Variants in GSE1 observed in about 807,000 individuals in gnomAD.
GSE1 encodes the protein Gse1 coiled-coil protein.
In GSE1, 32 loss-of-function variants were observed where a neutral mutation model predicts 112.6. That is an observed-to-expected ratio of 0.28 (90% CI 0.21 to 0.38). GSE1 has a LOEUF of 0.38. GSE1 is among the 10% of genes least tolerant of loss of function. The probability of loss-of-function intolerance (pLI) is 1.00; values close to 1 mark genes in which losing one functional copy is unlikely to be tolerated. For missense variants in GSE1, 2,348 were observed against 1,699.2 expected, an observed-to-expected ratio of 1.38 and a Z score of -6.71; for synonymous variants, 1,115 against 735.6, an observed-to-expected ratio of 1.52 and a Z score of -8.35.
intron 1 of GSE1, among the ~76,000 whole-genome samples, chr16:85,313,956 C>G (rs916094949): frequency 7.2e-6 from 1 of 139,696 alleles, no homozygotes; most frequent in Non-Finnish European, 1.5e-5. Flanking sequence ...GTGACATAGC[C>G]TAGTGTGTGT....
intron 11 of GSE1, among the ~76,000 whole-genome samples, chr16:85,664,141 A>G (rs905571664): frequency 6.6e-6 from 1 of 152,244 alleles, no homozygotes; most frequent in African/African-American, 2.4e-5. Context: ...CTGGGCTCGA[A>G]TCCATATAGC....
intron 2 of GSE1, among the ~76,000 whole-genome samples, chr16:85,387,275 C>T (rs1156304703): frequency 1.3e-5 from 2 of 152,082 alleles, no homozygotes; most frequent in African/African-American, 2.4e-5. Context: ...CTCCCCAGAA[C>T]CCCCCACTTT....
chr16:85,460,818 C>T (rs1217900321), intron 2 of GSE1, among the ~76,000 whole-genome samples: 1 of 146,790 alleles, frequency 6.8e-6, no homozygotes, highest in Non-Finnish European at 1.5e-5. Flanking sequence ...GCTGAGGAAG[C>T]CAGGGTGGGG....
chr16:85,630,165 C>G (rs558432824), intron 1 of GSE1, among the ~76,000 whole-genome samples: 1 of 152,290 alleles, frequency 6.6e-6, no homozygotes, highest in African/African-American at 2.4e-5. Flanking sequence ...GATACGGCAG[C>G]TGACCCCCCT....
chr16:85,320,724 A>G (rs1053417297), intron 1 of GSE1, among the ~76,000 whole-genome samples: 1 of 152,144 alleles, frequency 6.6e-6, no homozygotes, highest in Non-Finnish European at 1.5e-5. Context: ...CTCGGGGAAC[A>G]CTGTTCCAGC....
chr16:85,501,005 T>G (rs936946362), intron 2 of GSE1, among the ~76,000 whole-genome samples: 2 of 131,196 alleles, frequency 1.5e-5, no homozygotes, highest in African/African-American at 3.1e-5. Flanking sequence ...TCTGTTTTTT[T>G]TTTTTTTTTT....
chr16:85,424,239 G>A (rs920246155), intron 2 of GSE1, among the ~76,000 whole-genome samples: 1 of 152,268 alleles, frequency 6.6e-6, no homozygotes, highest in African/African-American at 2.4e-5. Flanking sequence ...ATGGAACAGG[G>A]CACAAAGCCC....
chr16:85,565,686 G>A (rs2045717672), intron 1 of GSE1, among the ~76,000 whole-genome samples: 1 of 152,224 alleles, frequency 6.6e-6, no homozygotes, highest in South Asian at 2.1e-4. Context: ...CCACTGGAGT[G>A]AGAGAACAGG....
intron 2 of GSE1, among the ~76,000 whole-genome samples, chr16:85,398,580 AAAT>A (rs552077940): frequency 1.0e-3 from 157 of 152,302 alleles, no homozygotes; most frequent in Non-Finnish European, 1.5e-3. Context: ...ACACATGGCC[AAAT>A]AATGATGATG....
chr16:85,308,700 C>T lies in GSE1; in HGVS notation c.2284-48763C>T, dbSNP rs116896067. Among the ~76,000 whole-genome samples, 10 of 152,062 alleles carry T rather than the reference C, an allele frequency of 6.6e-5. No homozygotes were observed. In the East Asian group the frequency reaches 1.7e-3, roughly 26 times the overall value. Reference sequence around the variant, plus strand: ...TAAAACACATTGCCTGGGGAAGGCTCTCGCTCTGTCAGTGGTTCTTGAATT... The same window carrying T: ...TAAAACACATTGCCTGGGGAAGGCTTTCGCTCTGTCAGTGGTTCTTGAATT... On this transcript the variant is annotated intron_variant, in intron 1 of 2. Transcript: ENST00000637419.
At chr16:85,540,008 A>G (rs2044466633) in intron 2 of GSE1, among the ~76,000 whole-genome samples, 1 of 152,124 alleles carries the variant, frequency 6.6e-6, no homozygotes, top group Admixed American at 6.6e-5. Context: ...TTTATTTTAT[A>G]TCGAAGTCAG....
chr16:85,174,495 C>G (rs1209854126), intron 1 of GSE1, among the ~76,000 whole-genome samples: 1 of 152,212 alleles, frequency 6.6e-6, no homozygotes, highest in Non-Finnish European at 1.5e-5. Context: ...GGGAGAATGC[C>G]GGAAATGCAG....
chr16:85,555,214 A>C (rs1443277783), upstream of GSE1: 6 of 985,172 alleles, frequency 6.1e-6, no homozygotes, highest in Non-Finnish European at 7.2e-6. Context: ...TTTACCGATA[A>C]TGATTCTTGC....
At chr16:85,626,009 C>G (rs2049044701) in intron 1 of GSE1, among the ~76,000 whole-genome samples, 1 of 152,276 alleles carries the variant, frequency 6.6e-6, no homozygotes, top group Admixed American at 6.5e-5. Flanking sequence ...GGTCAGGATC[C>G]TGGCCACCTG....
chr16:85,171,852 C>A (rs1597709325), intron 1 of GSE1: 1 of 924,760 alleles, frequency 1.1e-6, no homozygotes, highest in Non-Finnish European at 1.3e-6. Flanking sequence ...CCTCCAAAAT[C>A]CATTCAGGGA....
intron 2 of GSE1, among the ~76,000 whole-genome samples, chr16:85,450,421 T>G (rs2049643820): frequency 6.7e-6 from 1 of 149,786 alleles, no homozygotes; most frequent in Non-Finnish European, 1.5e-5. Context: ...CCCAGCCACC[T>G]TACTGTTTTT....
At chr16:85,376,103 A>T (rs980915397) in intron 2 of GSE1, among the ~76,000 whole-genome samples, 1 of 151,348 alleles carries the variant, frequency 6.6e-6, no homozygotes, top group Non-Finnish European at 1.5e-5. Context: ...CACGGTCCTC[A>T]CCCCCGCCAA....
chr16:85,230,995 AGATG>A (rs1164462015), intron 1 of GSE1, among the ~76,000 whole-genome samples: 2 of 151,358 alleles, frequency 1.3e-5, no homozygotes, highest in East Asian at 2.0e-4. Flanking sequence ...ATAGAAGGAC[AGATG>A]GATGGATGGA....
chr16:85,623,462 G>A (rs1012028193), intron 1 of GSE1, among the ~76,000 whole-genome samples: 1 of 152,166 alleles, frequency 6.6e-6, no homozygotes, highest in Non-Finnish European at 1.5e-5. Flanking sequence ...CTGGAAGTCC[G>A]CACTGAGCTG....
Sources: allele counts gnomAD v4.1 joint callset (sites outside exome capture counted in the v4.1 genomes callset), GRCh38; gene constraint gnomAD v4.1.1; transcripts MANE v1.5; gene names NCBI Gene and HGNC (gene_info 2026-07-23, HGNC 2026-07-21).